SGCD: variants seen among roughly 807,000 people sequenced by gnomAD.
SGCD encodes delta-sarcoglycan.
SGCD carries 18 observed loss-of-function variants against 36.6 expected under a neutral mutation model. That is an observed-to-expected ratio of 0.49 (90% CI 0.34 to 0.73). SGCD has a LOEUF of 0.73. Among genes scored for constraint, SGCD ranks in the 30% least tolerant of loss-of-function variants. The pLI, the probability that SGCD is intolerant of heterozygous loss-of-function variation, is 0.01. For missense variants in SGCD, 387 were observed against 346.7 expected, an observed-to-expected ratio of 1.12 and a Z score of -0.92; for synonymous variants, 133 against 130.6, an observed-to-expected ratio of 1.02 and a Z score of -0.12.
intron 6 of SGCD, among the ~76,000 whole-genome samples, chr5:156,598,201 T>G (rs530913626): frequency 1.2e-4 from 19 of 152,350 alleles, no homozygotes; most frequent in Non-Finnish European, 2.1e-4. Context: ...ATTTTAATTC[T>G]TGGCTGGTGT....
chr5:156,050,116 A>C (rs1193915678), intron 1 of SGCD, among the ~76,000 whole-genome samples: 2 of 147,086 alleles, frequency 1.4e-5, no homozygotes, highest in Non-Finnish European at 3.1e-5. Flanking sequence ...TTTTGAAAGA[A>C]GTTCTACTTT....
At chr5:155,981,759 T>A (rs1457870772) in intron 1 of SGCD, among the ~76,000 whole-genome samples, 2 of 152,150 alleles carry the variant, frequency 1.3e-5, no homozygotes, top group Non-Finnish European at 2.9e-5. Context: ...ATCCTGCCCA[T>A]CCTGGGGGCC....
intron 1 of SGCD, among the ~76,000 whole-genome samples, chr5:156,073,910 A>G (rs1313604508): frequency 6.6e-6 from 1 of 152,186 alleles, no homozygotes; most frequent in East Asian, 1.9e-4. Context: ...CTGAGAGGAG[A>G]GAAAAGTGGC....
chr5:155,870,310 G>A (rs963114115), upstream of SGCD: 1 of 152,166 alleles, frequency 6.6e-6, no homozygotes, highest in Admixed American at 6.5e-5. Flanking sequence ...AACATGCCTG[G>A]TACATATTAA....
intron 1 of SGCD, among the ~76,000 whole-genome samples, chr5:155,970,130 G>C (rs1326497548): frequency 6.6e-6 from 1 of 151,848 alleles, no homozygotes; most frequent in Non-Finnish European, 1.5e-5. Flanking sequence ...CAATCTAGAG[G>C]GATTGGGTGT....
intron 3 of SGCD, among the ~76,000 whole-genome samples, chr5:156,314,244 G>A (rs994976195): frequency 6.6e-6 from 1 of 151,964 alleles, no homozygotes; most frequent in African/African-American, 2.4e-5. Context: ...ATACTAATCA[G>A]TATAGCTGTT....
intron 3 of SGCD, among the ~76,000 whole-genome samples, chr5:156,234,154 A>G (rs1054413597): frequency 6.6e-6 from 1 of 152,128 alleles, no homozygotes; most frequent in African/African-American, 2.4e-5. Flanking sequence ...ATGTTTTTAA[A>G]TGATTATTTG....
the SGCD span, among the ~76,000 whole-genome samples, chr5:155,858,217 T>C: frequency 6.6e-6 from 1 of 152,236 alleles, no homozygotes; most frequent in African/African-American, 2.4e-5. Context: ...TTCTACAACA[T>C]TTAATCTTAC....
intron 4 of SGCD, among the ~76,000 whole-genome samples, chr5:156,539,554 C>A (rs1405643709): frequency 6.6e-6 from 1 of 152,086 alleles, no homozygotes; most frequent in Non-Finnish European, 1.5e-5. Context: ...ATAATGGCCT[C>A]CAGCTTCATC....
chr5:156,683,775 T>A (rs1468735997), intron 7 of SGCD, among the ~76,000 whole-genome samples: 2 of 152,206 alleles, frequency 1.3e-5, no homozygotes, highest in South Asian at 2.1e-4. Flanking sequence ...GCTCAGTTGT[T>A]CCATCTGAAA....
chr5:156,608,139 G>A (rs1023085206), intron 6 of SGCD, among the ~76,000 whole-genome samples: 1 of 152,152 alleles, frequency 6.6e-6, no homozygotes, highest in African/African-American at 2.4e-5. Context: ...TGATGTTAGT[G>A]TGTCAATTTT....
At chr5:155,844,216 G>A in the SGCD span, among the ~76,000 whole-genome samples, 2 of 151,996 alleles carry the variant, frequency 1.3e-5, no homozygotes, top group Admixed American at 1.3e-4. Context: ...ACACCTCTTC[G>A]ATTGGCTGGG....
intron 3 of SGCD, among the ~76,000 whole-genome samples, chr5:156,235,158 C>A (rs1765123883): frequency 6.6e-6 from 1 of 152,140 alleles, no homozygotes; most frequent in African/African-American, 2.4e-5. Context: ...GGAGAAGGAA[C>A]CATCAATGGC....
chr5:156,069,712 G>A (rs959752683), intron 1 of SGCD, among the ~76,000 whole-genome samples: 3 of 149,974 alleles, frequency 2.0e-5, no homozygotes, highest in Non-Finnish European at 4.4e-5. Flanking sequence ...AATTCCCTTG[G>A]GCAGTATGGC....
intron 6 of SGCD, among the ~76,000 whole-genome samples, chr5:156,610,240 T>C (rs1451193610): frequency 6.6e-6 from 1 of 152,346 alleles, no homozygotes; most frequent in East Asian, 1.9e-4. Flanking sequence ...GTCCTTTCTG[T>C]TTGTTAGTTT....
intron 2 of SGCD, among the ~76,000 whole-genome samples, chr5:156,341,448 G>A (rs1239949105): frequency 6.6e-6 from 1 of 152,044 alleles, no homozygotes. Flanking sequence ...CAAATGCTTA[G>A]AATCATCTGG....
chr5:155,823,432 T>G, the SGCD span, among the ~76,000 whole-genome samples: 2 of 152,016 alleles, frequency 1.3e-5, no homozygotes, highest in Non-Finnish European at 2.9e-5. Context: ...CTATACTGAC[T>G]CTACTGATTC....
intron 3 of SGCD, among the ~76,000 whole-genome samples, chr5:156,432,109 A>G (rs1409536436): frequency 5.3e-5 from 8 of 152,226 alleles, no homozygotes; most frequent in Non-Finnish European, 8.8e-5. Context: ...AAAGGGTCCA[A>G]TGATGTGACT....
chr5:156,105,740 C>T (rs1253679654), intron 1 of SGCD, among the ~76,000 whole-genome samples: 3 of 152,022 alleles, frequency 2.0e-5, no homozygotes, highest in Non-Finnish European at 4.4e-5. Flanking sequence ...AAATTTAGGA[C>T]AGTGTGAAGA....
Sources: gnomAD v4.1 joint callset for allele counts (sites outside exome capture counted in the v4.1 genomes callset) on GRCh38, gnomAD v4.1.1 for gene constraint, MANE v1.5 for transcripts, NCBI Gene and HGNC (gene_info 2026-07-23, HGNC 2026-07-21) for gene names.